The following TRIP11 variants were observed in gnomAD, a reference collection of about 807,000 sequenced individuals.
The protein encoded by TRIP11 is thyroid receptor-interacting protein 11.
Under a neutral mutation model 223.1 loss-of-function variants are expected in TRIP11, and 148 were observed. The observed-to-expected ratio is 0.66, with a 90% confidence interval of 0.58 to 0.76. The LOEUF (loss-of-function observed/expected upper bound fraction) is 0.76, where lower values mean the gene tolerates loss of function less well. TRIP11 is among the 30% of genes least tolerant of loss of function. The pLI is 0.00. For synonymous variants in TRIP11, 762 were observed against 772.6 expected (o/e 0.99, Z 0.23); for missense variants, 2,043 against 2,222.0 (o/e 0.92, Z 1.62).
At chr14:91,998,068 G>C (rs1295527741) in intron 13 of TRIP11, among the ~76,000 whole-genome samples, 1 of 152,046 alleles carries the variant, frequency 6.6e-6, no homozygotes, top group African/African-American at 2.4e-5. Flanking sequence ...GCAAAGGTGG[G>C]GTAGGGGTTA....
chr14:92,004,294 C>T lies in TRIP11; in HGVS notation c.3682G>A (p.Val1228Met). 1 of 1,614,090 alleles carries T rather than the reference C, an allele frequency of 6.2e-7. No individual in the cohort carries two copies. The highest frequency in any genetic ancestry group is 2.2e-5 in the East Asian group (1 of 44,868). Residue 1228 changes from valine to methionine, a missense_variant, in exon 11 of 21, where the codon GTG (valine) becomes ATG (methionine). Transcript: ENST00000267622. ...TGCATATTTTGTACTGTGGTCATCA[C>T]CTGCTGCTTCCACTCTTCCATTTTC... is the stretch of plus-strand genomic sequence containing the variant. ...VKKMEEWKQQ[V>M]MTTVQNMQHE...
intron 13 of TRIP11, among the ~76,000 whole-genome samples, chr14:91,998,666 A>G (rs1299223798): frequency 7.3e-5 from 11 of 151,092 alleles, no homozygotes; most frequent in African/African-American, 2.4e-4. Context: ...TTTCCTAAAC[A>G]TGAAAAATAT....
Position 92,039,723 on chromosome 14 carries a change from A to G in TRIP11, c.-38T>C. On this transcript the variant is annotated 5_prime_UTR_variant, in exon 1 of 21. Transcript: ENST00000267622. ...AGAGAACGACCCGGTCCGCTCGGAAAAAAGAAAACGTTTAGCGCCGCCGGG... is the reference window on the plus strand; with the variant it reads ...AGAGAACGACCCGGTCCGCTCGGAAGAAAGAAAACGTTTAGCGCCGCCGGG... 1 of 1,599,650 alleles carries G rather than the reference A, an allele frequency of 6.3e-7. No homozygotes were observed. The highest frequency in any genetic ancestry group is 1.3e-5 in the African/African-American group (1 of 74,880).
chr14:92,025,196 C>T (rs2057165848), intron 3 of TRIP11, 114 bp downstream of exon 3: 4 of 787,382 alleles, frequency 5.1e-6, no homozygotes, highest in Non-Finnish European at 8.3e-6. Flanking sequence ...TTAAATTCAT[C>T]ACCTTTTCAT....
chr14:92,036,250 G>A (rs2057324288), intron 1 of TRIP11, among the ~76,000 whole-genome samples: 1 of 152,162 alleles, frequency 6.6e-6, no homozygotes, highest in Non-Finnish European at 1.5e-5. Context: ...GAAAAACTTG[G>A]CCTTTTTAAG....
At chr14:91,971,466 A>G (rs1463684624) in intron 20 of TRIP11, among the ~76,000 whole-genome samples, 1 of 152,178 alleles carries the variant, frequency 6.6e-6, no homozygotes, top group Non-Finnish European at 1.5e-5. Context: ...TATCCTATCA[A>G]TACAAATCAG....
chr14:91,996,328 C>T (rs1321995236), intron 13 of TRIP11, among the ~76,000 whole-genome samples: 3 of 152,182 alleles, frequency 2.0e-5, no homozygotes, highest in African/African-American at 7.2e-5. Context: ...TGACTTTGAA[C>T]AAATGGCAGT....
intron 19 of TRIP11, 118 bp from the exon 20 acceptor site, chr14:91,972,979 AT>A (rs200221534): frequency 7.8e-4 from 671 of 865,458 alleles, no homozygotes; most frequent in Middle Eastern, 1.9e-3. Flanking sequence ...CACTTGAATA[AT>A]TTTTTTTTAC....
chr14:92,011,065 C>CT lies in TRIP11; in HGVS notation c.1234dup (p.Ser412LysfsTer4). 3 of 1,613,956 alleles carry CT rather than the reference C, an allele frequency of 1.9e-6. No individual in the cohort carries two copies. Among genetic ancestry groups the CT allele is most frequent in the Non-Finnish European group, 2.5e-6 (3 of 1,179,928 alleles). On this transcript the variant is annotated frameshift_variant, in exon 9 of 21. Coordinates refer to ENST00000267622, the MANE Select transcript of TRIP11 (RefSeq NM_004239.4). LOFTEE classifies it high-confidence loss of function. ...AAGTTTCAGATTGTCTTCAGCAAGA[C>CT]TGTTATCCTACAAAAATGTTAAAGC... is the stretch of plus-strand genomic sequence containing the variant.
intron 18 of TRIP11, 127 bp downstream of exon 18, chr14:91,975,045 G>A: frequency 2.3e-6 from 2 of 884,320 alleles, no homozygotes; most frequent in African/African-American, 1.6e-5. Context: ...GTTGTATGAA[G>A]TAATTCCATT....
chr14:91,979,016 C>T (rs963495792), intron 16 of TRIP11, among the ~76,000 whole-genome samples: 1 of 151,916 alleles, frequency 6.6e-6, no homozygotes, highest in Non-Finnish European at 1.5e-5. Context: ...CAGTGCTTTG[C>T]GAGGCCGAGG....
chr14:92,015,621 G>T, intron 6 of TRIP11, 75 bp downstream of exon 6: 1 of 1,297,670 alleles, frequency 7.7e-7, no homozygotes, highest in Non-Finnish European at 1.1e-6. Flanking sequence ...TCGCGCCAGT[G>T]CACTCCAGCC....
chr14:91,995,312 T>C, intron 14 of TRIP11, 40 bp downstream of exon 14: 1 of 1,610,868 alleles, frequency 6.2e-7, no homozygotes, highest in Non-Finnish European at 8.5e-7. Context: ...TACCAATAAC[T>C]ACAATTTTTC....
chr14:91,995,744 T>G lies in TRIP11; in HGVS notation c.4893-229A>C, dbSNP rs148000404. ...GATTCTCCTGCCTCAGCCTCCTGAG[T>G]AGCTGGGGTTATAGGCGTGCACAAC... On this transcript the variant is annotated intron_variant, in intron 13 of 20. Coordinates refer to ENST00000267622, the MANE Select transcript of TRIP11 (RefSeq NM_004239.4). Among the ~76,000 whole-genome samples the G allele has an allele frequency of 0.016, 2,395 of 151,908 alleles. 35 individuals carry two copies. The highest frequency in any genetic ancestry group is 0.048 in the Middle Eastern group (14 of 294).
chr14:92,014,655 A>G, intron 6 of TRIP11, 78 bp from the exon 7 acceptor site: 5 of 1,452,664 alleles, frequency 3.4e-6, no homozygotes, highest in Middle Eastern at 2.4e-4. Flanking sequence ...CAACTAAGAG[A>G]TATAAGACAG....
chr14:92,021,536 T>C lies in TRIP11; in HGVS notation c.588+20A>G. On this transcript the variant is annotated intron_variant, in intron 4 of 20. Coordinates refer to ENST00000267622, the MANE Select transcript of TRIP11 (RefSeq NM_004239.4). ...AATTTTACTCAAAGTTTTCAAAAAC[T>C]CTAAAAAATTTTTATCTACCTGAGC... 6.2e-7 allele frequency: 1 copy of C among 1,613,250 alleles called. No homozygotes were observed. The highest frequency in any genetic ancestry group is 8.5e-7 in the Non-Finnish European group (1 of 1,179,844).
chr14:91,969,597 A>T lies in TRIP11; in HGVS notation c.*76T>A. 7.0e-7 allele frequency: 1 copy of T among 1,434,340 alleles called. No homozygotes were observed. The highest frequency in any genetic ancestry group is 9.8e-7 in the Non-Finnish European group (1 of 1,019,118). 88.9% of individuals were successfully genotyped at this position (1,434,340 alleles called of 1,614,324 possible). ...ATACATGACTTTCTCCCCAAAGGCC[A>T]CTTTGTGATAAAGTACATACATATA... On this transcript the variant is annotated 3_prime_UTR_variant, in exon 21 of 21. Transcript: ENST00000267622.
intron 10 of TRIP11, among the ~76,000 whole-genome samples, chr14:92,007,092 C>T (rs1198616880): frequency 1.3e-5 from 2 of 150,422 alleles, no homozygotes; most frequent in Admixed American, 1.3e-4. Flanking sequence ...GTGGCATGAT[C>T]TCGGCTCACT....
intron 2 of TRIP11, among the ~76,000 whole-genome samples, chr14:92,028,731 A>C (rs781581097): frequency 1.1e-4 from 17 of 152,160 alleles, no homozygotes; most frequent in Non-Finnish European, 1.9e-4. Flanking sequence ...AAAAGAGAGT[A>C]CAAATGAAAA....
Sources: allele counts gnomAD v4.1 joint callset (sites outside exome capture counted in the v4.1 genomes callset), GRCh38; gene constraint gnomAD v4.1.1; transcripts MANE v1.5; gene names NCBI Gene and HGNC (gene_info 2026-07-23, HGNC 2026-07-21).